The following USP35 variants were observed in gnomAD, a reference collection of about 807,000 sequenced individuals.
USP35 encodes the protein ubiquitin specific peptidase 35.
USP35 carries 69 observed loss-of-function variants against 83.8 expected under a neutral mutation model. The ratio of observed to expected loss-of-function variants is 0.82; its 90% CI spans 0.68 to 1.01. USP35 has a LOEUF of 1.01. Among genes scored for constraint, USP35 ranks in the 50% least tolerant of loss-of-function variants. The pLI is 0.00. For synonymous variants in USP35, 714 were observed against 589.5 expected (o/e 1.21, Z -3.06); for missense variants, 1,503 against 1,362.5 (o/e 1.10, Z -1.62).
downstream of USP35, chr11:78,215,290 T>TGGTTCTG (rs541392276): frequency 3.3e-5 from 5 of 152,674 alleles, no homozygotes; most frequent in South Asian, 1.0e-3. Flanking sequence ...ACACGGCAGC[T>TGGTTCTG]GGTTCTGGGG....
intron 6 of USP35, among the ~76,000 whole-genome samples, chr11:78,205,141 T>C (rs535197749): frequency 6.6e-6 from 1 of 152,312 alleles, no homozygotes; most frequent in African/African-American, 2.4e-5. Flanking sequence ...TGCTGTTTGA[T>C]GTGACACAGA....
the USP35 span, among the ~76,000 whole-genome samples, chr11:78,236,546 A>G: frequency 1.3e-5 from 2 of 152,188 alleles, no homozygotes; most frequent in African/African-American, 2.4e-5. Context: ...CTTGTTTTCA[A>G]TCTTAGGGCA....
At chr11:78,207,867 A>G (rs1381536283) in intron 8 of USP35, among the ~76,000 whole-genome samples, 3 of 152,244 alleles carry the variant, frequency 2.0e-5, no homozygotes, top group Non-Finnish European at 2.9e-5. Context: ...AATTCAGTCC[A>G]TCCATCGCAT....
intron 10 of USP35, among the ~76,000 whole-genome samples, chr11:78,212,358 G>T (rs560799859): frequency 1.3e-5 from 2 of 152,206 alleles, no homozygotes; most frequent in Non-Finnish European, 2.9e-5. Flanking sequence ...AGCATAGTTT[G>T]AAGTCAGGTA....
intron 3 of USP35, among the ~76,000 whole-genome samples, chr11:78,198,381 C>A (rs955550114): frequency 3.3e-5 from 5 of 151,222 alleles, no homozygotes; most frequent in African/African-American, 4.9e-5. Context: ...TGTCAGGCGT[C>A]CTTGGGGTTG....
At chr11:78,226,838 G>A in the USP35 span, 27 of 1,613,840 alleles carry the variant, frequency 1.7e-5, no homozygotes, top group Non-Finnish European at 2.3e-5. Flanking sequence ...GGCTGCCCTT[G>A]GTGTGGCCAT....
the USP35 span, among the ~76,000 whole-genome samples, chr11:78,236,098 A>G: frequency 6.6e-6 from 1 of 152,214 alleles, no homozygotes; most frequent in African/African-American, 2.4e-5. Flanking sequence ...CACTCTCCAT[A>G]TTTAGGTCTT....
intron 10 of USP35, among the ~76,000 whole-genome samples, chr11:78,213,370 C>T (rs1863879403): frequency 6.6e-6 from 1 of 152,176 alleles, no homozygotes; most frequent in Non-Finnish European, 1.5e-5. Context: ...TCGAAGTCCT[C>T]AGACCTCTCG....
chr11:78,196,357 T>C lies in USP35; in HGVS notation c.112T>C (p.Cys38Arg). The C allele has an allele frequency of 6.5e-7, 1 of 1,543,146 alleles. No individual in the cohort carries two copies. The highest frequency in any genetic ancestry group is 8.6e-7 in the Non-Finnish European group (1 of 1,157,492). Residue 38 changes from cysteine (C) to arginine (R), a missense_variant, in exon 2 of 11, where the codon TGC becomes CGC. Physicochemically the swap from Cys to Arg is radical, Grantham distance 180. Coordinates refer to ENST00000529308, the MANE Select transcript of USP35 (RefSeq NM_020798.4). The surrounding 1 kb of genome is among the most constrained non-coding windows in gnomAD (Gnocchi z 4.8). Reference sequence around the variant, plus strand: ...GCGGCAGCCGCTGGAGCGTGAGCAGTGCCTGGCGCTGCTGGCGCTGGGCGC... The same window carrying C: ...GCGGCAGCCGCTGGAGCGTGAGCAGCGCCTGGCGCTGCTGGCGCTGGGCGC... Reference protein sequence around the residue: ...AARQPLEREQCLALLALGARL... With the variant: ...AARQPLEREQRLALLALGARL...
the USP35 span, among the ~76,000 whole-genome samples, chr11:78,230,888 T>A: frequency 6.6e-6 from 1 of 152,246 alleles, no homozygotes; most frequent in African/African-American, 2.4e-5. Context: ...AGTATTTTCA[T>A]GTAAACCTTA....
At chr11:78,200,995 TG>T (rs1403820721) in intron 6 of USP35, among the ~76,000 whole-genome samples, 187 bp downstream of exon 6, 1 of 152,248 alleles carries the variant, frequency 6.6e-6, no homozygotes, top group East Asian at 1.9e-4. Context: ...CCAAGTAGGC[TG>T]GGCTGCCTCA....
chr11:78,220,420 C>A, the USP35 span: 4 of 1,587,344 alleles, frequency 2.5e-6, no homozygotes, highest in Non-Finnish European at 2.6e-6. Context: ...CCACTGGGAA[C>A]GGGAGATGCA....
In USP35 at chr11:78,205,320, C is replaced by T. The variant is rs117164894; in HGVS notation, c.1198-522C>T. On this transcript the variant is annotated intron_variant, in intron 6 of 10. Transcript: ENST00000529308. ...GGACATGGGCACATCATTGTGTGCC[C>T]ACACCATGAAAACGTAGGATGCCAA... 2.0e-3 allele frequency among the ~76,000 whole-genome samples: 298 copies of T among 152,312 alleles called. 1 individual carries two copies. Among genetic ancestry groups the T allele is most frequent in the Admixed American group, 3.9e-3 (60 of 15,296 alleles).
chr11:78,200,664 C>T lies in USP35; in HGVS notation c.1053C>T (p.Ile351=), dbSNP rs778695044. Residue 351 remains isoleucine (I), a synonymous_variant, in exon 6 of 11, where the codon ATC becomes ATT. Coordinates refer to ENST00000529308, the MANE Select transcript of USP35 (RefSeq NM_020798.4). ...TGCTCCCACAGCTCCTCCCTCACAT[C>T]CCCCCCATGGTGGCCTCTCTGGTCA... ...HEAFHLLLPH[I]PPMVASLVKE... is the part of the protein sequence containing the mutation. The T allele has an allele frequency of 3.7e-6, 6 of 1,607,358 alleles. No homozygotes were observed. The highest frequency in any genetic ancestry group is 4.5e-5 in the East Asian group (2 of 44,756).
chr11:78,235,002 A>C, the USP35 span, among the ~76,000 whole-genome samples: 2 of 151,672 alleles, frequency 1.3e-5, no homozygotes, highest in Non-Finnish European at 2.9e-5. Flanking sequence ...AGAGCGACAG[A>C]CTTTCTCCTC....
downstream of USP35, chr11:78,219,185 G>A (rs1864292916): frequency 2.4e-6 from 3 of 1,251,938 alleles, no homozygotes; most frequent in South Asian, 1.3e-5. Flanking sequence ...GGAGGTGGAT[G>A]GGAGGAAGAA....
the USP35 span, among the ~76,000 whole-genome samples, chr11:78,231,337 G>T: frequency 0.021 from 507 of 24,002 alleles, 7 homozygotes; most frequent in Middle Eastern, 0.12. Flanking sequence ...CGCGTGTGTG[G>T]TGTGTGTGTG....
chr11:78,198,506 A>T (rs1325635853), intron 3 of USP35: 2 of 596,978 alleles, frequency 3.4e-6, no homozygotes, highest in East Asian at 2.8e-4. Flanking sequence ...CCTCATCTGA[A>T]CGTCCTCCTC....
rs369618243 is a variant in USP35, at chr11:78,210,487, C to T, written c.2632C>T (p.Leu878=). 6.2e-7 allele frequency: 1 copy of T among 1,614,242 alleles called. No homozygotes were observed. Among genetic ancestry groups the T allele is most frequent in the East Asian group, 2.2e-5 (1 of 44,892 alleles). ...GGGCGCTGCCCGCCCTGCCGCTTCT[C>T]TGGGAACTGCCGATAGGCCAGAGCC... ...REGAARPAAS[L]GTADRPEPEN... Residue 878 remains leucine, a synonymous_variant, in exon 10 of 11, where the codon CTG becomes TTG. Transcript: ENST00000529308.
Sources: allele counts gnomAD v4.1 joint callset (sites outside exome capture counted in the v4.1 genomes callset), GRCh38; gene constraint gnomAD v4.1.1; non-coding constraint Gnocchi (gnomAD v3.1); transcripts MANE v1.5; gene names NCBI Gene and HGNC (gene_info 2026-07-23, HGNC 2026-07-21).